SPAG16: variants seen among roughly 807,000 people sequenced by gnomAD.
SPAG16 encodes sperm associated antigen 16.
Under a neutral mutation model 80.4 loss-of-function variants are expected in SPAG16, and 86 were observed. The observed-to-expected ratio is 1.07, with a 90% CI of 0.90 to 1.28. SPAG16 has a LOEUF of 1.28. Ranked by LOEUF, SPAG16 falls within the 50% of genes most tolerant of loss-of-function variation. SPAG16 has a pLI of 0.00. For synonymous variants in SPAG16, 294 were observed against 265.9 expected (o/e 1.11, Z -1.03); for missense variants, 870 against 765.3 (o/e 1.14, Z -1.61).
At chr2:214,117,156 G>C (rs1225117714) in intron 14 of SPAG16, among the ~76,000 whole-genome samples, 3 of 152,082 alleles carry the variant, frequency 2.0e-5, no homozygotes, top group African/African-American at 7.2e-5. Flanking sequence ...ATTTTATAGA[G>C]AGATTGAAAT....
chr2:214,327,201 G>A (rs1576789422), intron 15 of SPAG16, among the ~76,000 whole-genome samples: 1 of 152,184 alleles, frequency 6.6e-6, no homozygotes, highest in African/African-American at 2.4e-5. Context: ...GACCATGTTT[G>A]TGAGACATCA....
At chr2:213,320,383 C>T (rs867197591) in intron 5 of SPAG16, among the ~76,000 whole-genome samples, 2 of 151,904 alleles carry the variant, frequency 1.3e-5, no homozygotes, top group Non-Finnish European at 2.9e-5. Context: ...TCCATCACCT[C>T]AAACATTTAT....
chr2:214,198,331 C>T (rs780446717), intron 15 of SPAG16, among the ~76,000 whole-genome samples: 3 of 152,066 alleles, frequency 2.0e-5, no homozygotes, highest in Non-Finnish European at 4.4e-5. Context: ...CTTTCACTTA[C>T]AAGTGAGATT....
chr2:214,193,436 AGAG>A (rs1559119493), intron 15 of SPAG16, among the ~76,000 whole-genome samples: 20 of 132,536 alleles, frequency 1.5e-4, no homozygotes, highest in African/African-American at 2.6e-5. Context: ...TGAGAGAGAG[AGAG>A]AGAGAGAGAG....
chr2:213,905,870 AT>A (rs2077409117), intron 11 of SPAG16, among the ~76,000 whole-genome samples: 1 of 152,208 alleles, frequency 6.6e-6, no homozygotes, highest in South Asian at 2.1e-4. Flanking sequence ...CCATGGGAAT[AT>A]CCTAGTAGCA....
chr2:213,588,367 C>A (rs1224298199), intron 10 of SPAG16, among the ~76,000 whole-genome samples: 1 of 151,216 alleles, frequency 6.6e-6, no homozygotes, highest in Admixed American at 6.6e-5. Flanking sequence ...CAATGAGGGT[C>A]TATAGTAATT....
intron 13 of SPAG16, among the ~76,000 whole-genome samples, chr2:214,039,698 C>G (rs887907241): frequency 2.6e-5 from 4 of 152,198 alleles, no homozygotes; most frequent in African/African-American, 9.6e-5. Flanking sequence ...TAAAATTTTT[C>G]ATTCATACCA....
chr2:213,986,627 A>G (rs565912741), intron 12 of SPAG16, among the ~76,000 whole-genome samples: 81 of 152,124 alleles, frequency 5.3e-4, no homozygotes, highest in Non-Finnish European at 6.3e-4. Flanking sequence ...GTTAGAAAAC[A>G]TCAGTGACAG....
chr2:214,013,413 G>A (rs2047418337), intron 12 of SPAG16, among the ~76,000 whole-genome samples: 2 of 152,110 alleles, frequency 1.3e-5, no homozygotes, highest in African/African-American at 2.4e-5. Flanking sequence ...TCACCCTACT[G>A]TGCAACAGGA....
At chr2:213,978,659 T>C (rs1009671829) in intron 12 of SPAG16, among the ~76,000 whole-genome samples, 1 of 152,164 alleles carries the variant, frequency 6.6e-6, no homozygotes, top group African/African-American at 2.4e-5. Context: ...TTTTGGGTAC[T>C]AGGAATCTTT....
intron 15 of SPAG16, among the ~76,000 whole-genome samples, chr2:214,350,058 A>G (rs994673904): frequency 2.6e-5 from 4 of 152,108 alleles, no homozygotes; most frequent in Admixed American, 2.6e-4. Context: ...GAGAACTGCT[A>G]TTCTTCTGTA....
intron 11 of SPAG16, among the ~76,000 whole-genome samples, chr2:213,914,176 C>T (rs1167013300): frequency 1.3e-5 from 2 of 151,900 alleles, no homozygotes; most frequent in Admixed American, 1.3e-4. Flanking sequence ...TCTATTGATG[C>T]TTATTGTATT....
At chr2:213,830,662 A>AT (rs1410174767) in intron 10 of SPAG16, among the ~76,000 whole-genome samples, 2 of 152,032 alleles carry the variant, frequency 1.3e-5, no homozygotes, top group Non-Finnish European at 1.5e-5. Flanking sequence ...TTATGAGTTA[A>AT]TTTTTGTCTT....
intron 9 of SPAG16, among the ~76,000 whole-genome samples, chr2:213,425,607 G>A (rs1206456071): frequency 6.8e-6 from 1 of 147,796 alleles, no homozygotes; most frequent in Non-Finnish European, 1.5e-5. Flanking sequence ...AGCCGAGATG[G>A]CGCCACTGCA....
At chr2:213,771,909 T>C (rs556051531) in intron 10 of SPAG16, among the ~76,000 whole-genome samples, 4 of 152,342 alleles carry the variant, frequency 2.6e-5, no homozygotes, top group Admixed American at 2.6e-4. Flanking sequence ...TTCTTTTTGC[T>C]TAGGATTATC....
At chr2:214,359,732 A>T (rs1452929018) in intron 15 of SPAG16, among the ~76,000 whole-genome samples, 1 of 151,908 alleles carries the variant, frequency 6.6e-6, no homozygotes, top group Admixed American at 6.6e-5. Context: ...AATGCCCTAT[A>T]TATCAGTAAA....
chr2:213,792,541 A>G (rs1193529439), intron 10 of SPAG16, among the ~76,000 whole-genome samples: 1 of 150,492 alleles, frequency 6.6e-6, no homozygotes, highest in Non-Finnish European at 1.5e-5. Flanking sequence ...TTCATCAAAC[A>G]GCATTGCTTC....
chr2:214,326,089 A>G (rs1252007306), intron 15 of SPAG16, among the ~76,000 whole-genome samples: 1 of 152,150 alleles, frequency 6.6e-6, no homozygotes, highest in Admixed American at 6.5e-5. Flanking sequence ...CCCATCCTAT[A>G]ATGTGTCAGT....
chr2:214,130,610 C>G lies in SPAG16; in HGVS notation c.1594-18530C>G, dbSNP rs1048303038. 1.1e-4 allele frequency among the ~76,000 whole-genome samples: 16 copies of G among 152,284 alleles called. No individual in the cohort carries two copies. In the East Asian group the frequency reaches 3.1e-3, roughly 29 times the overall value. On this transcript the variant is annotated intron_variant, in intron 14 of 15. Coordinates refer to ENST00000331683, the MANE Select transcript of SPAG16 (RefSeq NM_024532.5). Reference sequence around the variant, plus strand: ...TTTATTTCTTCATATTCCAGAAACCCTACTGCCCTGCTTTGACATTACAGT... The same window carrying G: ...TTTATTTCTTCATATTCCAGAAACCGTACTGCCCTGCTTTGACATTACAGT...
Sources: allele counts gnomAD v4.1 joint callset (sites outside exome capture counted in the v4.1 genomes callset), GRCh38; gene constraint gnomAD v4.1.1; transcripts MANE v1.5; gene names NCBI Gene and HGNC (gene_info 2026-07-23, HGNC 2026-07-21).